The following PLCG1 variants were observed in gnomAD, a reference collection of about 807,000 sequenced individuals.
The protein encoded by PLCG1 is 1-phosphatidylinositol 4,5-bisphosphate phosphodiesterase gamma-1.
A neutral mutation model predicts 177.8 loss-of-function variants in PLCG1; 71 were observed. The ratio of observed to expected loss-of-function variants is 0.40; its 90% CI spans 0.33 to 0.49. The LOEUF is 0.49. Ranked by LOEUF, PLCG1 falls within the 20% of genes least tolerant of loss-of-function variation. The pLI, the probability that PLCG1 is intolerant of heterozygous loss-of-function variation, is 0.72. For synonymous variants in PLCG1, 658 were observed against 647.9 expected (o/e 1.02, Z -0.24); for missense variants, 1,281 against 1,709.0 (o/e 0.75, Z 4.42).
chr20:41,176,099 G>A lies in PLCG1; in HGVS notation c.*1590G>A, dbSNP rs1182708387. On this transcript the variant is annotated 3_prime_UTR_variant, in exon 32 of 32. Coordinates refer to ENST00000685551, the MANE Select transcript of PLCG1 (RefSeq NM_002660.3). Reference sequence around the variant, plus strand: ...CCATTCTGATTGCCTCTAGGACTTGGCAGCTGAAATCTCTGGGCCCTTTCA... The same window carrying A: ...CCATTCTGATTGCCTCTAGGACTTGACAGCTGAAATCTCTGGGCCCTTTCA... The A allele has an allele frequency of 6.6e-6, 1 of 152,164 alleles. No homozygotes were observed. Among genetic ancestry groups the A allele is most frequent in the African/African-American group, 2.4e-5 (1 of 41,424 alleles). 9.4% of individuals were successfully genotyped at this position (152,164 alleles called of 1,614,324 possible). A position where few individuals can be genotyped will look rare whatever the true frequency, so the allele number is the denominator to read the frequency against.
In PLCG1 at chr20:41,146,210, C is replaced by A. The variant is rs1012165662; in HGVS notation, c.217+8352C>A. Among the ~76,000 whole-genome samples, 2 of 152,170 alleles carry A rather than the reference C, an allele frequency of 1.3e-5. No homozygotes were observed. The highest frequency in any genetic ancestry group is 4.8e-5 in the African/African-American group (2 of 41,444). On this transcript the variant is annotated intron_variant, in intron 1 of 31. Coordinates refer to ENST00000685551, the MANE Select transcript of PLCG1 (RefSeq NM_002660.3). This position sits in a 1 kb window ranked among gnomAD's most constrained non-coding sequence, Gnocchi z 6.3. ...GAGCCCAGGCCTGGCACAGAGGAGG[C>A]TGGAGTTAGGAAGCAAGAAAACGAG...
In PLCG1 at chr20:41,144,125, A is replaced by C. The variant is rs570319760; in HGVS notation, c.217+6267A>C. Among the ~76,000 whole-genome samples the C allele has an allele frequency of 6.6e-6, 1 of 152,296 alleles. No individual in the cohort carries two copies. Among genetic ancestry groups the C allele is most frequent in the East Asian group, 1.9e-4 (1 of 5,176 alleles). On this transcript the variant is annotated intron_variant, in intron 1 of 31. Coordinates refer to ENST00000685551, the MANE Select transcript of PLCG1 (RefSeq NM_002660.3). The surrounding 1 kb of genome is among the most constrained non-coding windows in gnomAD (Gnocchi z 4.1). Reference sequence around the variant, plus strand: ...CATGGAACATTTTCTCACCTGTTGTATTGTTTGAACTTCACAGCAGCTCCA... The same window carrying C: ...CATGGAACATTTTCTCACCTGTTGTCTTGTTTGAACTTCACAGCAGCTCCA...
At chr20:41,138,283 CTG>C (rs555735766) in intron 1 of PLCG1, among the ~76,000 whole-genome samples, 39 of 152,094 alleles carry the variant, frequency 2.6e-4, no homozygotes, top group Non-Finnish European at 4.7e-4. Flanking sequence ...AAAGAGCAGT[CTG>C]TGAAACTCTC....
rs778513582 is a variant in PLCG1, at chr20:41,174,132, T to C, written c.3654T>C (p.Asn1218=). Residue 1218 remains asparagine, a synonymous_variant, in exon 31 of 32, where the codon AAT becomes AAC. Coordinates refer to ENST00000685551, the MANE Select transcript of PLCG1 (RefSeq NM_002660.3). This position sits in a 1 kb window ranked among gnomAD's most constrained non-coding sequence, Gnocchi z 5.8. The stretch of plus-strand genomic sequence containing the variant: ...ACCTGGCTTCGTTGAAGCAGGAGAA[T>C]GGTGACCTCAGTCCCTTCAGTGGTA... ...KIDIFPAKQE[N]GDLSPFSGTS... is the part of the protein sequence containing the mutation. The C allele has an allele frequency of 3.7e-6, 6 of 1,613,204 alleles. No individual in the cohort carries two copies. Among genetic ancestry groups the C allele is most frequent in the Middle Eastern group, 1.7e-4 (1 of 6,052 alleles).
At position 41,167,714 on chromosome 20, in the gene PLCG1, A is replaced by T. The variant is rs946236386; in HGVS notation, c.2302-138A>T. 3.0e-6 allele frequency: 2 copies of T among 665,970 alleles called. No individual in the cohort carries two copies. The highest frequency in any genetic ancestry group is 1.8e-5 in the African/African-American group (1 of 55,756). The allele number at this position is 665,970 out of a possible 1,614,324, so 41.3% of individuals were successfully genotyped here. A position where few individuals can be genotyped will look rare whatever the true frequency, so the allele number is the denominator to read the frequency against. On this transcript the variant is annotated intron_variant, in intron 19 of 31. Transcript: ENST00000685551. This position sits in a 1 kb window ranked among gnomAD's most constrained non-coding sequence, Gnocchi z 4.4. ...GCCTGAGGCCTCTGAAGCCGTCTCT[A>T]CTGAGGTCGAAGGATCCCTGTGGAT... is the stretch of plus-strand genomic sequence containing the variant.
In PLCG1 at chr20:41,137,924, C is replaced by CT. The variant is rs1003917422; in HGVS notation, c.217+68dup. The CT allele has an allele frequency of 4.5e-6, 5 of 1,109,874 alleles. No homozygotes were observed. The African/African-American group carries it at 8.1e-5, about 18-fold the overall frequency. 68.8% of individuals were successfully genotyped at this position (1,109,874 alleles called of 1,614,324 possible). On this transcript the variant is annotated intron_variant, in intron 1 of 31. Transcript: ENST00000685551. The surrounding 1 kb of genome is among the most constrained non-coding windows in gnomAD (Gnocchi z 7.3). ...GGGTCGTGGGAGCCCGGCCCGACTG[C>CT]TTGCACCCCGGCCGGCCGCCCCAGC...
rs1007231339 is a variant in PLCG1, at chr20:41,157,103, C to T, written c.218-2503C>T. Among the ~76,000 whole-genome samples the T allele has an allele frequency of 2.0e-5, 3 of 152,170 alleles. No homozygotes were observed. The highest frequency in any genetic ancestry group is 2.1e-4 in the South Asian group (1 of 4,832). On this transcript the variant is annotated intron_variant, in intron 1 of 31. Coordinates refer to ENST00000685551, the MANE Select transcript of PLCG1 (RefSeq NM_002660.3). This position sits in a 1 kb window ranked among gnomAD's most constrained non-coding sequence, Gnocchi z 5.4. Reference sequence around the variant, plus strand: ...GAACTTGGGAGCATTGGATGCCTGGCGTGGAGCTGCGCTATGCTTACCTGG... The same window carrying T: ...GAACTTGGGAGCATTGGATGCCTGGTGTGGAGCTGCGCTATGCTTACCTGG...
Position 41,160,269 on chromosome 20 carries a change from G to T in PLCG1, c.512+116G>T, listed in dbSNP as rs2035454372. 2.2e-6 allele frequency: 2 copies of T among 905,262 alleles called. No homozygotes were observed. The highest frequency in any genetic ancestry group is 2.5e-5 in the East Asian group (1 of 39,774). The allele number at this position is 905,262 out of a possible 1,614,324, so 56.1% of individuals were successfully genotyped here. ...GAGGACCCAGGGGACCTTAAGTGGGGCCAGGAGGGTGGGCAGAAGGTTCTG... is the reference window on the plus strand; with the variant it reads ...GAGGACCCAGGGGACCTTAAGTGGGTCCAGGAGGGTGGGCAGAAGGTTCTG... On this transcript the variant is annotated intron_variant, in intron 4 of 31. Coordinates refer to ENST00000685551, the MANE Select transcript of PLCG1 (RefSeq NM_002660.3). This position sits in a 1 kb window ranked among gnomAD's most constrained non-coding sequence, Gnocchi z 5.5.
At chr20:41,155,746 A>G (rs1451742206) in intron 1 of PLCG1, among the ~76,000 whole-genome samples, 8 of 152,144 alleles carry the variant, frequency 5.3e-5, no homozygotes, top group East Asian at 1.9e-4. Flanking sequence ...CTCCATGTCA[A>G]TGGCACTAGG....
At chr20:41,139,538 G>A (rs571166455) in intron 1 of PLCG1, among the ~76,000 whole-genome samples, 4 of 152,212 alleles carry the variant, frequency 2.6e-5, no homozygotes, top group East Asian at 1.9e-4. Context: ...TGTGTTTCCC[G>A]GCCAGTTACT....
Position 41,169,147 on chromosome 20 carries a change from A to G in PLCG1, c.2552A>G (p.Asn851Ser), listed in dbSNP as rs1412196535. The change falls in exon 22 of 32, where the codon AAC (asparagine) becomes AGC (serine). Residue 851 changes from asparagine to serine, a missense_variant. Transcript: ENST00000685551. ...FPSNYVEEMV[N>S]PVALEPEREH... ...TCAAACTACGTGGAAGAGATGGTCA[A>G]CCCCGTGGCCCTGGAGCCGGAGAGG... is the stretch of plus-strand genomic sequence containing the variant. 3 of 1,613,526 alleles carry G rather than the reference A, an allele frequency of 1.9e-6. No individual in the cohort carries two copies. Among genetic ancestry groups the G allele is most frequent in the East Asian group, 2.2e-5 (1 of 44,868 alleles).
Position 41,160,069 on chromosome 20 carries a change from T to C in PLCG1, c.465-37T>C. The stretch of plus-strand genomic sequence containing the variant: ...GACATCTCCCAGGCCTGACTGTAGA[T>C]GGAGAAGTGGCCCTCACCTCAGGCT... On this transcript the variant is annotated intron_variant, in intron 3 of 31. Transcript: ENST00000685551. This position sits in a 1 kb window ranked among gnomAD's most constrained non-coding sequence, Gnocchi z 5.5. The C allele has an allele frequency of 6.2e-7, 1 of 1,612,188 alleles. No homozygotes were observed. Among genetic ancestry groups the C allele is most frequent in the East Asian group, 2.2e-5 (1 of 44,856 alleles).
intron 1 of PLCG1, chr20:41,138,136 G>A (rs2034668378): frequency 3.4e-6 from 1 of 292,528 alleles, no homozygotes; most frequent in African/African-American, 2.2e-5. Context: ...GCGGGCTGGA[G>A]ACCTGCGGTG....
chr20:41,152,736 T>A (rs956358843), intron 1 of PLCG1, among the ~76,000 whole-genome samples: 7 of 152,240 alleles, frequency 4.6e-5, no homozygotes, highest in Non-Finnish European at 7.3e-5. Flanking sequence ...TCAAATGTGG[T>A]TTCTTCCTTG....
Position 41,172,183 on chromosome 20 carries a change from G to A in PLCG1, c.2809-10G>A, listed in dbSNP as rs747603918. The A allele has an allele frequency of 1.2e-6, 2 of 1,607,598 alleles. No individual in the cohort carries two copies. On this transcript the variant is annotated splice_polypyrimidine_tract_variant and intron_variant, in intron 24 of 31. Coordinates refer to ENST00000685551, the MANE Select transcript of PLCG1 (RefSeq NM_002660.3). The surrounding 1 kb of genome is among the most constrained non-coding windows in gnomAD (Gnocchi z 7.0). The stretch of plus-strand genomic sequence containing the variant: ...AGCCTGGGGCTACAGGGCCTTGTGT[G>A]TGTCACCAGCTCACTGAAGGGAAGA...
chr20:41,170,396 A>G (rs917006355), intron 24 of PLCG1, 127 bp downstream of exon 24: 1 of 860,228 alleles, frequency 1.2e-6, no homozygotes. Context: ...GATAGGCCAC[A>G]GCCCCTGCCT....
rs557681742 is a variant in PLCG1, at chr20:41,172,217, C to A, written c.2833C>A (p.Arg945=). The stretch of plus-strand genomic sequence containing the variant: ...GCTCACTGAAGGGAAGATAATGGAA[C>A]GGAGGAAGAAGATTGCCCTGGAGCT... ...ARLTEGKIME[R]RKKIALELSE... is the part of the protein sequence containing the mutation. The change falls in exon 25 of 32, where the codon CGG becomes AGG. Residue 945 remains arginine, a synonymous_variant. Transcript: ENST00000685551. The surrounding 1 kb of genome is among the most constrained non-coding windows in gnomAD (Gnocchi z 7.0). The A allele has an allele frequency of 1.2e-6, 2 of 1,613,716 alleles. No homozygotes were observed. The highest frequency in any genetic ancestry group is 4.5e-5 in the East Asian group (2 of 44,872).
At chr20:41,170,293 G>A (rs369385291) in intron 24 of PLCG1, 24 bp downstream of exon 24, 1 of 1,613,462 alleles carries the variant, frequency 6.2e-7, no homozygotes, top group South Asian at 1.1e-5. Flanking sequence ...GGAACCTTCT[G>A]GGGGGCAGTG....
rs2035466912 is a variant in PLCG1 at position 41,160,725 on chromosome 20, T to C, written c.512+572T>C. ...AATGAGAGGGCTTGGATCATGATGG[T>C]AATGGTAGGAAGTGGCTGGATTTTG... On this transcript the variant is annotated intron_variant, in intron 4 of 31. Transcript: ENST00000685551. The surrounding 1 kb of genome is among the most constrained non-coding windows in gnomAD (Gnocchi z 5.5). Among the ~76,000 whole-genome samples the C allele has an allele frequency of 1.3e-5, 2 of 152,194 alleles. No individual in the cohort carries two copies. The highest frequency in any genetic ancestry group is 4.1e-4 in the South Asian group (2 of 4,828).
Sources: gnomAD v4.1 joint callset for allele counts (sites outside exome capture counted in the v4.1 genomes callset) on GRCh38, gnomAD v4.1.1 for gene constraint, Gnocchi (gnomAD v3.1) non-coding constraint, MANE v1.5 for transcripts, NCBI Gene and HGNC (gene_info 2026-07-23, HGNC 2026-07-21) for gene names.